Variants in SNTB1 observed in about 807,000 individuals in gnomAD.
SNTB1 encodes the protein syntrophin beta 1, also known as beta-1-syntrophin.
Under a neutral mutation model 48.9 loss-of-function variants are expected in SNTB1, and 36 were observed. The ratio of observed to expected loss-of-function variants is 0.74; its 90% CI spans 0.56 to 0.97. The LOEUF (loss-of-function observed/expected upper bound fraction) is 0.97, where lower values mean the gene tolerates loss of function less well. Ranked by LOEUF, SNTB1 falls within the 50% of genes least tolerant of loss-of-function variation. The pLI is 0.00. For synonymous variants in SNTB1, 299 were observed against 294.6 expected, an observed-to-expected ratio of 1.01 and a Z score of -0.15; for missense variants, 786 against 703.4, an observed-to-expected ratio of 1.12 and a Z score of -1.33.
chr8:120,798,070 A>T (rs1820153323), intron 1 of SNTB1, among the ~76,000 whole-genome samples: 1 of 152,004 alleles, frequency 6.6e-6, no homozygotes, highest in African/African-American at 2.4e-5. Flanking sequence ...AGAAGAGAAG[A>T]TCTCTTCTAT....
chr8:120,811,240 C>T (rs772549627), intron 1 of SNTB1, 33 bp downstream of exon 1: 2 of 1,549,080 alleles, frequency 1.3e-6, no homozygotes, highest in Non-Finnish European at 1.7e-6. Context: ...TGTGTGCGCG[C>T]CCGGCGCGGC....
At chr8:120,600,025 A>G (rs1040986520) in intron 3 of SNTB1, among the ~76,000 whole-genome samples, 1 of 152,222 alleles carries the variant, frequency 6.6e-6, no homozygotes, top group African/African-American at 2.4e-5. Flanking sequence ...AACATGATCT[A>G]GCTCCTCAAA....
At chr8:120,749,364 T>C (rs1475622023) in intron 1 of SNTB1, among the ~76,000 whole-genome samples, 1 of 152,192 alleles carries the variant, frequency 6.6e-6, no homozygotes, top group Non-Finnish European at 1.5e-5. Context: ...AAATCTTAAA[T>C]TATTCCTTTC....
At chr8:120,753,038 T>G (rs539584052) in intron 1 of SNTB1, among the ~76,000 whole-genome samples, 52 of 146,900 alleles carry the variant, frequency 3.5e-4, no homozygotes, top group Non-Finnish European at 5.3e-4. Flanking sequence ...AGAAGCAATA[T>G]GTGCTCCTTT....
At chr8:120,637,939 C>T (rs971639200) in intron 2 of SNTB1, 8 of 218,292 alleles carry the variant, frequency 3.7e-5, no homozygotes, top group Admixed American at 1.9e-4. Flanking sequence ...GGCTTCAATA[C>T]GCTTAACTTT....
chr8:120,699,331 C>A (rs879691537), intron 1 of SNTB1, among the ~76,000 whole-genome samples: 1 of 152,186 alleles, frequency 6.6e-6, no homozygotes, highest in Non-Finnish European at 1.5e-5. Flanking sequence ...AGAGGTGGGC[C>A]TAGTGGAGGT....
intron 3 of SNTB1, among the ~76,000 whole-genome samples, chr8:120,589,680 C>T (rs1455663594): frequency 6.6e-6 from 1 of 152,098 alleles, no homozygotes; most frequent in East Asian, 1.9e-4. Context: ...GTGGAAGGAG[C>T]TAGCTAGCTC....
intron 3 of SNTB1, among the ~76,000 whole-genome samples, chr8:120,579,163 C>A (rs527270598): frequency 6.7e-6 from 1 of 149,910 alleles, no homozygotes; most frequent in Non-Finnish European, 1.5e-5. Flanking sequence ...GGCAACAGAG[C>A]GAGACTCTGT....
Position 120,667,666 on chromosome 8 carries a change from T to A in SNTB1, c.788+26026A>T, listed in dbSNP as rs75695809. On this transcript the variant is annotated intron_variant, in intron 2 of 6. Transcript: ENST00000517992. ...AACAACTGCGTGTGGCCCTGGTAAT[T>A]TTTTCATAGGTGCCAAACATTGTGA... 8.2e-3 allele frequency among the ~76,000 whole-genome samples: 1,251 copies of A among 152,268 alleles called. 14 individuals carry two copies. Among genetic ancestry groups the A allele is most frequent in the African/African-American group, 0.029 (1,188 of 41,544 alleles).
At chr8:120,651,370 C>T (rs1363535414) in intron 2 of SNTB1, among the ~76,000 whole-genome samples, 1 of 152,204 alleles carries the variant, frequency 6.6e-6, no homozygotes, top group Non-Finnish European at 1.5e-5. Flanking sequence ...GATAACATGT[C>T]ACCCTTTAAC....
intron 2 of SNTB1, among the ~76,000 whole-genome samples, chr8:120,634,402 C>T (rs550157703): frequency 1.1e-4 from 17 of 152,140 alleles, no homozygotes; most frequent in Admixed American, 5.9e-4. Context: ...TTATTAACCC[C>T]CCTTAACAGA....
chr8:120,625,041 G>A (rs544094218), intron 3 of SNTB1, among the ~76,000 whole-genome samples: 12 of 152,198 alleles, frequency 7.9e-5, no homozygotes, highest in African/African-American at 2.2e-4. Flanking sequence ...TGCTGTCTGC[G>A]TGTGAACTAA....
intron 2 of SNTB1, among the ~76,000 whole-genome samples, chr8:120,677,280 T>G (rs1817852864): frequency 6.6e-6 from 1 of 152,156 alleles, no homozygotes; most frequent in African/African-American, 2.4e-5. Context: ...CCATATAAAT[T>G]TATTGGAATA....
intron 1 of SNTB1, among the ~76,000 whole-genome samples, chr8:120,720,665 A>C (rs774688254): frequency 6.6e-6 from 1 of 152,186 alleles, no homozygotes; most frequent in Admixed American, 6.5e-5. Flanking sequence ...GCAAACCCAC[A>C]CTGTAAAAAT....
chr8:120,788,645 A>C (rs932235378), intron 1 of SNTB1, among the ~76,000 whole-genome samples: 2 of 152,110 alleles, frequency 1.3e-5, no homozygotes, highest in African/African-American at 4.8e-5. Context: ...AAAGACAAAG[A>C]AGGTCATTAC....
chr8:120,568,982 G>A (rs906251531), intron 4 of SNTB1, among the ~76,000 whole-genome samples: 3 of 152,036 alleles, frequency 2.0e-5, no homozygotes, highest in Non-Finnish European at 2.9e-5. Flanking sequence ...CTTCTGTTTT[G>A]TTTGCTTGTT....
At position 120,722,351 on chromosome 8, in the gene SNTB1, C is replaced by T. The variant is rs181122889; in HGVS notation, c.572-28443G>A. On this transcript the variant is annotated intron_variant, in intron 1 of 6. Coordinates refer to ENST00000517992, the MANE Select transcript of SNTB1 (RefSeq NM_021021.4). ...CTTCCACAATGGTTGAACTAGTTTACACTCCCATCAACAGTGTAAAAGTGT... is the reference window on the plus strand; with the variant it reads ...CTTCCACAATGGTTGAACTAGTTTATACTCCCATCAACAGTGTAAAAGTGT... Among the ~76,000 whole-genome samples the T allele has an allele frequency of 5.8e-3, 879 of 152,326 alleles. 8 individuals are homozygous for T. The highest frequency in any genetic ancestry group is 0.021 in the African/African-American group (854 of 41,574).
chr8:120,666,824 A>AT lies in SNTB1; in HGVS notation c.788+26867dup, dbSNP rs1188805193. On this transcript the variant is annotated intron_variant, in intron 2 of 6. Coordinates refer to ENST00000517992, the MANE Select transcript of SNTB1 (RefSeq NM_021021.4). ...TTAGGAATAGTTTCTATTACTAGGT[A>AT]TTTTTTGCTATGAATGCCATTTGGT... 7.9e-5 allele frequency among the ~76,000 whole-genome samples: 12 copies of AT among 152,116 alleles called. No individual in the cohort carries two copies. In the South Asian group the frequency reaches 8.3e-4, roughly 11 times the overall value.
chr8:120,613,383 ATAG>A (rs1264613070), intron 3 of SNTB1, among the ~76,000 whole-genome samples: 1 of 151,520 alleles, frequency 6.6e-6, no homozygotes, highest in Non-Finnish European at 1.5e-5. Flanking sequence ...ATGGAGGTAG[ATAG>A]TAGAATGGTA....
Sources: gnomAD v4.1 joint callset for allele counts (sites outside exome capture counted in the v4.1 genomes callset) on GRCh38, gnomAD v4.1.1 for gene constraint, MANE v1.5 for transcripts, NCBI Gene and HGNC (gene_info 2026-07-23, HGNC 2026-07-21) for gene names.